Variants in FAM234A observed in about 807,000 individuals in gnomAD.
FAM234A encodes protein FAM234A.
FAM234A carries 42 observed loss-of-function variants against 49.1 expected under a neutral mutation model. The ratio of observed to expected loss-of-function variants is 0.86; its 90% CI spans 0.67 to 1.11. FAM234A has a LOEUF of 1.11. Among genes scored for constraint, FAM234A ranks in the 50% least tolerant of loss-of-function variants. The pLI is 0.00. For synonymous variants in FAM234A, 369 were observed against 316.2 expected, an observed-to-expected ratio of 1.17 and a Z score of -1.77; for missense variants, 815 against 745.2, an observed-to-expected ratio of 1.09 and a Z score of -1.09.
rs2050604054 is a variant in FAM234A at position 241,290 on chromosome 16, G to C, written c.-140+6433G>C. On this transcript the variant is annotated intron_variant, in intron 1 of 12. Coordinates refer to ENST00000399932, the MANE Select transcript of FAM234A (RefSeq NM_032039.4). The stretch of plus-strand genomic sequence containing the variant: ...CAAAAAGAAAGAAAAAAAAAAAGCT[G>C]TCTGCTTCAGGCTGGGCACGGTGGT... 4.8e-5 allele frequency among the ~76,000 whole-genome samples: 7 copies of C among 146,856 alleles called. No homozygotes were observed. The South Asian group carries it at 1.5e-3, about 32-fold the overall frequency.
chr16:242,863 CA>C (rs754172196), intron 1 of FAM234A, among the ~76,000 whole-genome samples: 10 of 152,192 alleles, frequency 6.6e-5, no homozygotes, highest in Non-Finnish European at 1.0e-4. Flanking sequence ...CCACCCACCT[CA>C]GCCTCCCAAA....
intron 3 of FAM234A, among the ~76,000 whole-genome samples, chr16:258,053 A>G (rs1005681361): frequency 1.1e-4 from 17 of 150,144 alleles, no homozygotes; most frequent in Middle Eastern, 3.5e-3. Flanking sequence ...AGAAGGTTTC[A>G]CCGTATTAGC....
rs538630586 is a variant in FAM234A at position 251,774 on chromosome 16, C to T, written c.-34+2120C>T. Among the ~76,000 whole-genome samples the T allele has an allele frequency of 2.3e-4, 32 of 137,238 alleles. 1 individual carries two copies. Among genetic ancestry groups the T allele is most frequent in the Admixed American group, 1.6e-3 (20 of 12,510 alleles). The allele number at this position is 137,238 out of a possible 152,430, so 90.0% of individuals were successfully genotyped here. On this transcript the variant is annotated intron_variant, in intron 2 of 12. Coordinates refer to ENST00000399932, the MANE Select transcript of FAM234A (RefSeq NM_032039.4). ...ATCCCAGCAGTTTGGGAGGCCAGTG[C>T]GGGTGGATCACGAGGTCAGGAGATC...
rs1302526884 is a variant in FAM234A, at chr16:264,162, C to T, written c.1335C>T (p.Thr445=). 1.2e-6 allele frequency: 2 copies of T among 1,600,242 alleles called. No homozygotes were observed. Among genetic ancestry groups the T allele is most frequent in the African/African-American group, 2.7e-5 (2 of 74,848 alleles). The part of the protein sequence containing the change: ...FFWGLHELGS[T]SETETGEARH... Reference sequence around the variant, plus strand: ...GGGGCCTCCACGAGCTGGGGAGCACCAGCGAGACGGTACGGGAGCCACCCT... The same window carrying T: ...GGGGCCTCCACGAGCTGGGGAGCACTAGCGAGACGGTACGGGAGCCACCCT... The change falls in exon 11 of 13, where the codon ACC becomes ACT. Residue 445 remains threonine (T), a synonymous_variant. Transcript: ENST00000399932.
At chr16:266,781 A>G (rs1202918012), downstream of FAM234A, among the ~76,000 whole-genome samples, 1 of 75,806 alleles carries the variant, frequency 1.3e-5, no homozygotes, top group Admixed American at 1.6e-4. Flanking sequence ...AAAGGGCCAT[A>G]TAGGGCTCTG....
In FAM234A at chr16:265,368, G is replaced by C; in HGVS notation, c.*346G>C. 1.9e-6 allele frequency: 2 copies of C among 1,073,140 alleles called. No homozygotes were observed. Among genetic ancestry groups the C allele is most frequent in the Non-Finnish European group, 2.3e-6 (2 of 886,024 alleles). The allele number at this position is 1,073,140 out of a possible 1,614,324, so 66.5% of individuals were successfully genotyped here. On this transcript the variant is annotated 3_prime_UTR_variant, in exon 13 of 13. Coordinates refer to ENST00000399932, the MANE Select transcript of FAM234A (RefSeq NM_032039.4). ...TCATGCAGCACCCCATCCTTACCCG[G>C]TGCCCTCTCCTTGCCAGCTTCTCCC...
At chr16:238,383 T>C (rs1053873337) in intron 1 of FAM234A, among the ~76,000 whole-genome samples, 9 of 152,158 alleles carry the variant, frequency 5.9e-5, no homozygotes, top group Admixed American at 6.5e-5. Flanking sequence ...TGCCTGGTCC[T>C]ATGATTTCAG....
intron 1 of FAM234A, among the ~76,000 whole-genome samples, chr16:247,892 T>A (rs2050870409): frequency 6.6e-6 from 1 of 152,096 alleles, no homozygotes; most frequent in Middle Eastern, 3.2e-3. Context: ...TTTTCTACCC[T>A]GACCTGGGTT....
chr16:266,888 G>A (rs1567230971), downstream of FAM234A, among the ~76,000 whole-genome samples: 1 of 152,092 alleles, frequency 6.6e-6, no homozygotes, highest in South Asian at 2.1e-4. Context: ...CCCCCTGACA[G>A]CACGGGAGGG....
chr16:245,254 G>T (rs561625643), intron 1 of FAM234A, among the ~76,000 whole-genome samples: 17 of 152,222 alleles, frequency 1.1e-4, no homozygotes, highest in African/African-American at 3.9e-4. Context: ...GGCTGAGGTG[G>T]GAGAATCTCT....
In FAM234A at chr16:250,811, CG is replaced by C. The variant is rs566171129; in HGVS notation, c.-34+1158del. Among the ~76,000 whole-genome samples the C allele has an allele frequency of 6.5e-3, 987 of 152,264 alleles. 5 individuals carry two copies. The highest frequency in any genetic ancestry group is 0.011 in the Non-Finnish European group (782 of 68,042). On this transcript the variant is annotated intron_variant, in intron 2 of 12. Transcript: ENST00000399932. ...GGCGTTTCACACTACAGGGGACCTTCGTGTCCTAGTCATTGCATTTAGCATA... is the reference window on the plus strand; with the variant it reads ...GGCGTTTCACACTACAGGGGACCTTCTGTCCTAGTCATTGCATTTAGCATA...
At position 262,190 on chromosome 16, in the gene FAM234A, C is replaced by G; in HGVS notation, c.806C>G (p.Thr269Ser). 6.2e-7 allele frequency: 1 copy of G among 1,614,036 alleles called. No homozygotes were observed. Among genetic ancestry groups the G allele is most frequent in the Non-Finnish European group, 8.5e-7 (1 of 1,180,032 alleles). The change falls in exon 7 of 13, where the codon ACC becomes AGC. Residue 269 changes from threonine (T) to serine (S), a missense_variant. Transcript: ENST00000399932. ...GAAAGTGGCTTCCTCCTTCACGTCACCAGGACAGGTGCCCACTACATCCTC... is the reference window on the plus strand; with the variant it reads ...GAAAGTGGCTTCCTCCTTCACGTCAGCAGGACAGGTGCCCACTACATCCTC... ...DGESGFLLHVTRTGAHYILFP... is the reference protein window; with the variant it reads ...DGESGFLLHVSRTGAHYILFP...
chr16:244,169 C>T (rs537088379), intron 1 of FAM234A, among the ~76,000 whole-genome samples: 46 of 152,158 alleles, frequency 3.0e-4, no homozygotes, highest in African/African-American at 5.8e-4. Flanking sequence ...GGGGTTTCAC[C>T]GTGTTAGCTA....
intron 2 of FAM234A, 169 bp from the exon 3 acceptor site, chr16:254,212 G>A (rs1004915971): frequency 3.1e-6 from 2 of 653,216 alleles, no homozygotes; most frequent in Non-Finnish European, 5.4e-6. Flanking sequence ...AGTATAATCT[G>A]TTAAGACTGA....
At chr16:237,861 G>A (rs188438669) in intron 1 of FAM234A, among the ~76,000 whole-genome samples, 13 of 151,420 alleles carry the variant, frequency 8.6e-5, no homozygotes, top group Non-Finnish European at 1.8e-4. Context: ...GTACTACCAC[G>A]CCCAGCTATT....
chr16:263,441 C>A, intron 9 of FAM234A, 39 bp downstream of exon 9: 1 of 1,597,512 alleles, frequency 6.3e-7, no homozygotes, highest in African/African-American at 1.3e-5. Context: ...GTGCTGCACC[C>A]CTTCCCGGCA....
chr16:265,840 G>A lies in FAM234A; in HGVS notation c.*818G>A, dbSNP rs8816. 33,449 of 985,920 alleles carry A rather than the reference G, an allele frequency of 0.034. 837 individuals are homozygous for A. The highest frequency in any genetic ancestry group is 0.11 in the African/African-American group (6,499 of 57,342). The allele number at this position is 985,920 out of a possible 1,614,324, so 61.1% of individuals were successfully genotyped here. Reference sequence around the variant, plus strand: ...TCTCAGTAGACACTGGAGCTGCTCTGTCCCTGAAGAGGCCCCGTGCCCCAG... The same window carrying A: ...TCTCAGTAGACACTGGAGCTGCTCTATCCCTGAAGAGGCCCCGTGCCCCAG... On this transcript the variant is annotated 3_prime_UTR_variant, in exon 13 of 13. Transcript: ENST00000399932.
At chr16:267,203 C>T (rs930894042), downstream of FAM234A, among the ~76,000 whole-genome samples, 1 of 152,092 alleles carries the variant, frequency 6.6e-6, no homozygotes, top group African/African-American at 2.4e-5. Context: ...ACAACTGCCC[C>T]TCCCCAGAGG....
At chr16:254,324 T>A in intron 2 of FAM234A, 57 bp from the exon 3 acceptor site, 1 of 1,467,394 alleles carries the variant, frequency 6.8e-7, no homozygotes, top group Non-Finnish European at 9.3e-7. Context: ...CCCTCTGTGC[T>A]GCAGCTTTGT....
Sources: allele counts gnomAD v4.1 joint callset (sites outside exome capture counted in the v4.1 genomes callset), GRCh38; gene constraint gnomAD v4.1.1; transcripts MANE v1.5; gene names NCBI Gene and HGNC (gene_info 2026-07-23, HGNC 2026-07-21).